The following ACBD6 variants were observed in gnomAD, a reference collection of about 807,000 sequenced individuals.
ACBD6 encodes the protein acyl-CoA binding domain containing 6.
Under a neutral mutation model 37.2 loss-of-function variants are expected in ACBD6, and 28 were observed. The observed-to-expected ratio is 0.75, with a 90% CI of 0.56 to 1.03. The LOEUF (loss-of-function observed/expected upper bound fraction) is 1.03, where lower values mean the gene tolerates loss of function less well. Ranked by LOEUF, ACBD6 falls within the 50% of genes least tolerant of loss-of-function variation. ACBD6 has a pLI of 0.00. For missense variants in ACBD6, 340 were observed against 337.4 expected, an observed-to-expected ratio of 1.01 and a Z score of -0.06; for synonymous variants, 113 against 126.8, an observed-to-expected ratio of 0.89 and a Z score of 0.73.
At chr1:180,271,372 C>T in exon 14 of ACBD6, 2 of 1,614,030 alleles carry the variant, frequency 1.2e-6, no homozygotes, top group South Asian at 1.1e-5. Flanking sequence ...AGTGGTTTTT[C>T]CTTGCAGATG....
At chr1:180,276,746 T>G (rs954298194) in intron 9 of ACBD6, 2 of 151,910 alleles carry the variant, frequency 1.3e-5, no homozygotes, top group African/African-American at 2.4e-5. Context: ...CTGTTGCAGG[T>G]TGACTATTTG....
chr1:180,303,894 G>A (rs577605804), intron 7 of ACBD6, among the ~76,000 whole-genome samples: 5 of 150,782 alleles, frequency 3.3e-5, no homozygotes, highest in South Asian at 2.1e-4. Flanking sequence ...AGCACATCAA[G>A]AAGCTTATCC....
chr1:180,346,156 CAT>C (rs1652174970), intron 6 of ACBD6, among the ~76,000 whole-genome samples: 1 of 152,108 alleles, frequency 6.6e-6, no homozygotes, highest in Non-Finnish European at 1.5e-5. Flanking sequence ...ATTTAACAGA[CAT>C]AGAGAAAAGA....
intron 3 of ACBD6, among the ~76,000 whole-genome samples, chr1:180,480,862 C>G (rs1651008403): frequency 6.6e-6 from 1 of 152,014 alleles, no homozygotes; most frequent in Admixed American, 6.5e-5. Flanking sequence ...GAGGCCTTGT[C>G]TCTACTGAAA....
chr1:180,304,361 T>C lies in ACBD6; in HGVS notation c.694+10331A>G, dbSNP rs573885925. On this transcript the variant is annotated intron_variant, in intron 7 of 7. Transcript: ENST00000367595. Reference sequence around the variant, plus strand: ...ATGACTGTGTATCTAGAAAACCCCATTGTCTCAGCCCAAAATCTCCTTAAG... The same window carrying C: ...ATGACTGTGTATCTAGAAAACCCCACTGTCTCAGCCCAAAATCTCCTTAAG... 6.6e-5 allele frequency among the ~76,000 whole-genome samples: 10 copies of C among 150,916 alleles called. 1 individual carries two copies. The highest frequency in any genetic ancestry group is 2.1e-4 in the South Asian group (1 of 4,700).
In ACBD6 at chr1:180,479,518, T is replaced by C. The variant is rs78579296; in HGVS notation, c.384+12751A>G. Reference sequence around the variant, plus strand: ...GGCAAGTAGGGGGAAGAGGGGAAAATGAAGAGAAGTGGGTTAAAGGGTATA... The same window carrying C: ...GGCAAGTAGGGGGAAGAGGGGAAAACGAAGAGAAGTGGGTTAAAGGGTATA... On this transcript the variant is annotated intron_variant, in intron 3 of 7. Transcript: ENST00000367595. Among the ~76,000 whole-genome samples the C allele has an allele frequency of 5.5e-4, 84 of 151,560 alleles. 1 individual carries two copies. The East Asian group carries it at 0.016, about 28-fold the overall frequency.
chr1:180,478,570 C>CCT (rs1369342480), intron 3 of ACBD6, among the ~76,000 whole-genome samples: 1 of 151,522 alleles, frequency 6.6e-6, no homozygotes, highest in Non-Finnish European at 1.5e-5. Flanking sequence ...CTCACTGCAA[C>CCT]CTCTGCCTCC....
intron 3 of ACBD6, chr1:180,435,945 T>A: frequency 8.1e-7 from 1 of 1,227,168 alleles, no homozygotes; most frequent in Non-Finnish European, 1.2e-6. Context: ...CAAGCATAAA[T>A]GAATACTGTA....
chr1:180,376,877 G>GA (rs773661250), intron 6 of ACBD6, among the ~76,000 whole-genome samples: 1 of 152,110 alleles, frequency 6.6e-6, no homozygotes, highest in Non-Finnish European at 1.5e-5. Context: ...TATTTGAAGT[G>GA]AATCTAAAAT....
At chr1:180,306,350 A>C (rs1198778216) in intron 7 of ACBD6, among the ~76,000 whole-genome samples, 1 of 152,156 alleles carries the variant, frequency 6.6e-6, no homozygotes, top group Admixed American at 6.5e-5. Flanking sequence ...TCAAGGGTCA[A>C]CTGTATATAA....
At chr1:180,470,302 A>G (rs973881798) in intron 3 of ACBD6, among the ~76,000 whole-genome samples, 8 of 152,186 alleles carry the variant, frequency 5.3e-5, no homozygotes, top group Non-Finnish European at 8.8e-5. Context: ...AGAACCATGA[A>G]GCTATATGAA....
At chr1:180,488,751 C>G (rs2102083397) in intron 3 of ACBD6, among the ~76,000 whole-genome samples, 1 of 151,932 alleles carries the variant, frequency 6.6e-6, no homozygotes, top group East Asian at 1.9e-4. Context: ...TTTTTTTGTT[C>G]TTTTTTTAAA....
chr1:180,396,404 A>C (rs936210566), intron 6 of ACBD6, among the ~76,000 whole-genome samples: 3 of 152,198 alleles, frequency 2.0e-5, no homozygotes, highest in African/African-American at 7.2e-5. Flanking sequence ...TGGTTTCTAA[A>C]GTATGACACC....
chr1:180,275,594 GTCTACCCCTC>G (rs1266846098), intron 9 of ACBD6: 7 of 152,210 alleles, frequency 4.6e-5, no homozygotes, highest in Non-Finnish European at 1.0e-4. Context: ...GAGCTTGCAA[GTCTACCCCTC>G]TGAAAGCTTT....
At chr1:180,499,853 G>A (rs566976891) in intron 1 of ACBD6, among the ~76,000 whole-genome samples, 1 of 152,216 alleles carries the variant, frequency 6.6e-6, no homozygotes, top group East Asian at 1.9e-4. Flanking sequence ...TATACCATTT[G>A]TTCCTACAGC....
intron 6 of ACBD6, among the ~76,000 whole-genome samples, chr1:180,355,202 C>T (rs1047813623): frequency 4.6e-5 from 7 of 152,288 alleles, no homozygotes; most frequent in South Asian, 2.1e-4. Context: ...AAGAAACTAA[C>T]GCTTAGGTTA....
chr1:180,340,664 G>T (rs1160487989), intron 6 of ACBD6, among the ~76,000 whole-genome samples: 1 of 151,346 alleles, frequency 6.6e-6, no homozygotes, highest in Admixed American at 6.6e-5. Flanking sequence ...AGGGGTGGGG[G>T]GTTTAAATAT....
chr1:180,484,381 T>C lies in ACBD6; in HGVS notation c.384+7888A>G, dbSNP rs889189034. ...AGTAAGATTCCTATTGAGAACTTTA[T>C]TGGTAAATTTTCTTTTCACAGTGGT... On this transcript the variant is annotated intron_variant, in intron 3 of 7. Coordinates refer to ENST00000367595, the MANE Select transcript of ACBD6 (RefSeq NM_032360.4). Among the ~76,000 whole-genome samples, 6 of 152,358 alleles carry C rather than the reference T, an allele frequency of 3.9e-5. 1 individual carries two copies. The East Asian group carries it at 9.6e-4, about 24-fold the overall frequency.
At chr1:180,300,002 G>A (rs563353643) in intron 7 of ACBD6, among the ~76,000 whole-genome samples, 67 of 152,154 alleles carry the variant, frequency 4.4e-4, no homozygotes, top group African/African-American at 1.3e-3. Context: ...GTAGAATACC[G>A]GCCTCTAGTT....
Sources: gnomAD v4.1 joint callset for allele counts (sites outside exome capture counted in the v4.1 genomes callset) on GRCh38, gnomAD v4.1.1 for gene constraint, MANE v1.5 for transcripts, NCBI Gene and HGNC (gene_info 2026-07-23, HGNC 2026-07-21) for gene names.